Variants in ZNF22 observed in about 807,000 individuals in gnomAD.
ZNF22 encodes zinc finger protein 22, also known as krox-26 protein.
In ZNF22, 15 loss-of-function variants were observed where a neutral mutation model predicts 17.0. That is an observed-to-expected ratio of 0.88 (90% CI 0.59 to 1.36). The LOEUF is 1.36. ZNF22 is among the 40% of genes most tolerant of loss of function. The probability of loss-of-function intolerance (pLI) is 0.00; values close to 1 mark genes in which losing one functional copy is unlikely to be tolerated. For missense variants in ZNF22, 272 were observed against 276.1 expected, an observed-to-expected ratio of 0.98 and a Z score of 0.11; for synonymous variants, 84 against 90.7, an observed-to-expected ratio of 0.93 and a Z score of 0.42.
At position 45,003,243 on chromosome 10, in the gene ZNF22, C is replaced by A. The variant is rs554220276; in HGVS notation, c.-89-37C>A. The A allele has an allele frequency of 1.1e-4, 89 of 799,182 alleles. No homozygotes were observed. The East Asian group carries it at 2.4e-3, about 22-fold the overall frequency. 49.5% of individuals were successfully genotyped at this position (799,182 alleles called of 1,614,324 possible). A position where few individuals can be genotyped will look rare whatever the true frequency, so the allele number is the denominator to read the frequency against. On this transcript the variant is annotated intron_variant, in intron 1 of 1. Transcript: ENST00000298299. The stretch of plus-strand genomic sequence containing the variant: ...TTAACAGATATCTGTAATTTTTTTT[C>A]TGATCATCTCTAAATTTTTTTTCCT...
Position 45,004,135 on chromosome 10 carries a change from T to A in ZNF22, c.*92T>A, listed in dbSNP as rs1002878600. 4.5e-6 allele frequency: 6 copies of A among 1,327,372 alleles called. No homozygotes were observed. The highest frequency in any genetic ancestry group is 6.2e-6 in the Non-Finnish European group (6 of 974,512). 82.2% of individuals were successfully genotyped at this position (1,327,372 alleles called of 1,614,324 possible). On this transcript the variant is annotated 3_prime_UTR_variant, in exon 2 of 2. Coordinates refer to ENST00000298299, the MANE Select transcript of ZNF22 (RefSeq NM_006963.5). The stretch of plus-strand genomic sequence containing the variant: ...ATCTTTTTTAGAAATAGAGATGCTT[T>A]ATAGTAGATCACTTAAATACTGGAT...
rs1383482248 is a variant in ZNF22, at chr10:45,005,017, G to A, written c.*974G>A. The A allele has an allele frequency of 6.0e-6, 1 of 166,990 alleles. No individual in the cohort carries two copies. Among genetic ancestry groups the A allele is most frequent in the East Asian group, 1.9e-4 (1 of 5,200 alleles). The allele number at this position is 166,990 out of a possible 1,614,324, so 10.3% of individuals were successfully genotyped here. On this transcript the variant is annotated 3_prime_UTR_variant, in exon 2 of 2. Transcript: ENST00000298299. ...CACCTCCCTGCCTTCAAGACTGTGA[G>A]CTTTGGATAGCCCTGCTTAAATGTT...
Position 45,001,405 on chromosome 10 carries a change from TC to T in ZNF22, c.-90+428del, listed in dbSNP as rs537839068. On this transcript the variant is annotated intron_variant, in intron 1 of 1. Transcript: ENST00000298299. ...TTTCAGATTCAGACTCATTGCAACT[TC>T]TAACATCTTGATGGTGTTGCCACTT... 2.2e-4 allele frequency among the ~76,000 whole-genome samples: 34 copies of T among 152,316 alleles called. No individual in the cohort carries two copies. The South Asian group carries it at 7.0e-3, about 32-fold the overall frequency.
rs1050233994 is a variant in ZNF22, at chr10:45,003,989, C to T, written c.621C>T (p.His207=). 5 of 1,613,916 alleles carry T rather than the reference C, an allele frequency of 3.1e-6. No homozygotes were observed. The highest frequency in any genetic ancestry group is 2.7e-5 in the African/African-American group (2 of 74,912). The change falls in exon 2 of 2, where the codon CAC becomes CAT. Residue 207 remains histidine (H), a synonymous_variant. Transcript: ENST00000298299. ...GCAAAAATATCAGGGTGAAGACTCA[C>T]TTACCCTCTTGGAAAGCTGGTACAG... ...TRGKNIRVKT[H]LPSWKAGTGR...
At position 45,004,132 on chromosome 10, in the gene ZNF22, C is replaced by A; in HGVS notation, c.*89C>A. 1 of 1,346,240 alleles carries A rather than the reference C, an allele frequency of 7.4e-7. No individual in the cohort carries two copies. The highest frequency in any genetic ancestry group is 1.0e-6 in the Non-Finnish European group (1 of 990,136). 83.4% of individuals were successfully genotyped at this position (1,346,240 alleles called of 1,614,324 possible). A position where few individuals can be genotyped will look rare whatever the true frequency, so the allele number is the denominator to read the frequency against. On this transcript the variant is annotated 3_prime_UTR_variant, in exon 2 of 2. Coordinates refer to ENST00000298299, the MANE Select transcript of ZNF22 (RefSeq NM_006963.5). ...GGAATCTTTTTTAGAAATAGAGATG[C>A]TTTATAGTAGATCACTTAAATACTG... is the stretch of plus-strand genomic sequence containing the variant.
chr10:45,004,107 G>T lies in ZNF22; in HGVS notation c.*64G>T. On this transcript the variant is annotated 3_prime_UTR_variant, in exon 2 of 2. Coordinates refer to ENST00000298299, the MANE Select transcript of ZNF22 (RefSeq NM_006963.5). ...AAAAAATAAAAAGTAAAAAATGAAA[G>T]GAATCTTTTTTAGAAATAGAGATGC... 1 of 1,481,852 alleles carries T rather than the reference G, an allele frequency of 6.7e-7. No homozygotes were observed. The highest frequency in any genetic ancestry group is 9.1e-7 in the Non-Finnish European group (1 of 1,104,186). 91.8% of individuals were successfully genotyped at this position (1,481,852 alleles called of 1,614,324 possible). A position where few individuals can be genotyped will look rare whatever the true frequency, so the allele number is the denominator to read the frequency against.
Position 45,003,710 on chromosome 10 carries a change from T to A in ZNF22, c.342T>A (p.Asp114Glu), listed in dbSNP as rs1316704741. 6.2e-7 allele frequency: 1 copy of A among 1,614,208 alleles called. No individual in the cohort carries two copies. Among genetic ancestry groups the A allele is most frequent in the Admixed American group, 1.7e-5 (1 of 60,032 alleles). The change falls in exon 2 of 2, where the codon GAT becomes GAA. Residue 114 changes from aspartate (D) to glutamate (E), a missense_variant. Coordinates refer to ENST00000298299, the MANE Select transcript of ZNF22 (RefSeq NM_006963.5). ...CGGGGGAAAAGCCCTACAAATGTGATGAGTGTGGAGAAAGCTTCAAACAGA... is the reference window on the plus strand; with the variant it reads ...CGGGGGAAAAGCCCTACAAATGTGAAGAGTGTGGAGAAAGCTTCAAACAGA... ...IHTGEKPYKC[D>E]ECGESFKQSS...
Position 45,003,748 on chromosome 10 carries a change from T to C in ZNF22, c.380T>C (p.Ile127Thr). 1.2e-6 allele frequency: 2 copies of C among 1,614,196 alleles called. No homozygotes were observed. Among genetic ancestry groups the C allele is most frequent in the South Asian group, 2.2e-5 (2 of 91,080 alleles). The change falls in exon 2 of 2, where the codon ATT becomes ACT. Residue 127 changes from isoleucine (I) to threonine (T), a missense_variant. Transcript: ENST00000298299. The stretch of plus-strand genomic sequence containing the variant: ...AGCTTCAAACAGAGCTCAAATCTCA[T>C]TCAGCACCAGAGAATTCATACTGGA... ...GESFKQSSNLIQHQRIHTGEK... is the reference protein window; with the variant it reads ...GESFKQSSNLTQHQRIHTGEK...
chr10:45,004,415 A>G lies in ZNF22; in HGVS notation c.*372A>G, dbSNP rs550860412. The G allele has an allele frequency of 1.7e-5, 3 of 179,806 alleles. No individual in the cohort carries two copies. Among genetic ancestry groups the G allele is most frequent in the South Asian group, 3.6e-4 (2 of 5,578 alleles). The allele number at this position is 179,806 out of a possible 1,614,324, so 11.1% of individuals were successfully genotyped here. ...CATTTGTGAAAGTGCAGGCATGCCA[A>G]TGACTACTCAGTTTTAGGACTTTCT... On this transcript the variant is annotated 3_prime_UTR_variant, in exon 2 of 2. Coordinates refer to ENST00000298299, the MANE Select transcript of ZNF22 (RefSeq NM_006963.5).
intron 1 of ZNF22, among the ~76,000 whole-genome samples, chr10:45,001,701 A>G (rs1842334614): frequency 6.6e-6 from 1 of 152,168 alleles, no homozygotes; most frequent in Admixed American, 6.5e-5. Flanking sequence ...AAACGGAAAT[A>G]ACTGCATAAA....
chr10:45,004,383 G>T lies in ZNF22; in HGVS notation c.*340G>T. 5.0e-6 allele frequency: 1 copy of T among 198,630 alleles called. No individual in the cohort carries two copies. The allele number at this position is 198,630 out of a possible 1,614,324, so 12.3% of individuals were successfully genotyped here. A position where few individuals can be genotyped will look rare whatever the true frequency, so the allele number is the denominator to read the frequency against. On this transcript the variant is annotated 3_prime_UTR_variant, in exon 2 of 2. Transcript: ENST00000298299. Reference sequence around the variant, plus strand: ...ATTTTGAGAAAAACCATCATGTTTTGAGGATACATTTGTGAAAGTGCAGGC... The same window carrying T: ...ATTTTGAGAAAAACCATCATGTTTTTAGGATACATTTGTGAAAGTGCAGGC...
intron 1 of ZNF22, chr10:45,002,542 G>A (rs1224592047): frequency 1.3e-5 from 2 of 152,034 alleles, no homozygotes; most frequent in South Asian, 2.1e-4. Context: ...TTCTGTCTCC[G>A]AAAACAGTAC....
Position 45,000,976 on chromosome 10 carries a change from G to C in ZNF22, c.-92G>C, listed in dbSNP as rs1842323056. 12 of 778,702 alleles carry C rather than the reference G, an allele frequency of 1.5e-5. No homozygotes were observed. In the South Asian group the frequency reaches 2.8e-4, roughly 18 times the overall value. The allele number at this position is 778,702 out of a possible 1,614,324, so 48.2% of individuals were successfully genotyped here. ...GAGCCAGAGTGGTGGCTGGTCCCGC[G>C]CGGTGAGTGGGATTGGGGCACTTGG... On this transcript the variant is annotated splice_region_variant and 5_prime_UTR_variant, in exon 1 of 2. Coordinates refer to ENST00000298299, the MANE Select transcript of ZNF22 (RefSeq NM_006963.5).
At position 45,003,270 on chromosome 10, in the gene ZNF22, C is replaced by A; in HGVS notation, c.-89-10C>A. On this transcript the variant is annotated splice_polypyrimidine_tract_variant and intron_variant, in intron 1 of 1. Transcript: ENST00000298299. The stretch of plus-strand genomic sequence containing the variant: ...GATCATCTCTAAATTTTTTTTCCTT[C>A]TACACACAGAAAATTCTGAGCTGTA... The A allele has an allele frequency of 8.2e-7, 1 of 1,226,736 alleles. No homozygotes were observed. Among genetic ancestry groups the A allele is most frequent in the Admixed American group, 2.9e-5 (1 of 34,630 alleles). The allele number at this position is 1,226,736 out of a possible 1,614,324, so 76.0% of individuals were successfully genotyped here.
At chr10:45,001,403 C>T (rs563250312) in intron 1 of ZNF22, among the ~76,000 whole-genome samples, 67 of 152,342 alleles carry the variant, frequency 4.4e-4, no homozygotes, top group African/African-American at 1.4e-3. Flanking sequence ...CTCATTGCAA[C>T]TTCTAACATC....
At chr10:45,001,570 C>A (rs983689025) in intron 1 of ZNF22, among the ~76,000 whole-genome samples, 1 of 152,164 alleles carries the variant, frequency 6.6e-6, no homozygotes, top group African/African-American at 2.4e-5. Context: ...CGGGTCGCCG[C>A]GCTGGACTGA....
chr10:45,003,519 G>A lies in ZNF22; in HGVS notation c.151G>A (p.Asp51Asn), dbSNP rs1842350608. ...SSFSRLRRSL[D>N]DKPYKCTECE... ...CTTCAGTAGACTCAGAAGAAGCTTG[G>A]ATGACAAACCCTATAAATGTACTGA... is the stretch of plus-strand genomic sequence containing the variant. Residue 51 changes from aspartate (D) to asparagine (N), a missense_variant, in exon 2 of 2, where the codon GAT becomes AAT. Transcript: ENST00000298299. 1 of 1,614,118 alleles carries A rather than the reference G, an allele frequency of 6.2e-7. No individual in the cohort carries two copies. Among genetic ancestry groups the A allele is most frequent in the Non-Finnish European group, 8.5e-7 (1 of 1,180,058 alleles).
rs776199097 is a variant in ZNF22 at position 45,003,578 on chromosome 10, T to C, written c.210T>C (p.Leu70=). The C allele has an allele frequency of 7.2e-5, 117 of 1,614,044 alleles. No homozygotes were observed. The highest frequency in any genetic ancestry group is 9.5e-5 in the Non-Finnish European group (112 of 1,180,008). ...CEKSFSQSST[L]FQHQKIHTGK... is the part of the protein sequence containing the mutation. ...AGAGTTTCAGTCAGAGTTCAACTCT[T>C]TTTCAACACCAGAAGATCCATACTG... The change falls in exon 2 of 2, where the codon CTT becomes CTC. Residue 70 remains leucine (L), a synonymous_variant. Coordinates refer to ENST00000298299, the MANE Select transcript of ZNF22 (RefSeq NM_006963.5).
Position 45,002,377 on chromosome 10 carries a change from T to G in ZNF22, c.-89-903T>G, listed in dbSNP as rs575173635. ...TATAAATAAATAAAATCATTTGAAATTTTGAATTTTGCAGCATTTGGGTAT... is the reference window on the plus strand; with the variant it reads ...TATAAATAAATAAAATCATTTGAAAGTTTGAATTTTGCAGCATTTGGGTAT... On this transcript the variant is annotated intron_variant, in intron 1 of 1. Transcript: ENST00000298299. The G allele has an allele frequency of 1.1e-4, 16 of 152,346 alleles. No homozygotes were observed. In the South Asian group the frequency reaches 3.3e-3, roughly 32 times the overall value. 9.4% of individuals were successfully genotyped at this position (152,346 alleles called of 1,614,324 possible). A position where few individuals can be genotyped will look rare whatever the true frequency, so the allele number is the denominator to read the frequency against.
Sources: gnomAD v4.1 joint callset for allele counts (sites outside exome capture counted in the v4.1 genomes callset) on GRCh38, gnomAD v4.1.1 for gene constraint, MANE v1.5 for transcripts, NCBI Gene and HGNC (gene_info 2026-07-23, HGNC 2026-07-21) for gene names.